STK32B: variants seen among roughly 807,000 people sequenced by gnomAD.
STK32B encodes serine/threonine kinase 32B.
A neutral mutation model predicts 52.6 loss-of-function variants in STK32B; 43 were observed. The ratio of observed to expected loss-of-function variants is 0.82; its 90% CI spans 0.64 to 1.05. The LOEUF (loss-of-function observed/expected upper bound fraction) is 1.05. STK32B is among the 50% of genes least tolerant of loss of function. The probability of loss-of-function intolerance (pLI) is 0.00; values close to 1 mark genes in which losing one functional copy is unlikely to be tolerated. For missense variants in STK32B, 621 were observed against 534.6 expected (o/e 1.16, Z -1.59); for synonymous variants, 238 against 204.3 (o/e 1.17, Z -1.41).
At chr4:5,140,850 A>AG (rs1300182728) in intron 2 of STK32B, among the ~76,000 whole-genome samples, 2 of 152,198 alleles carry the variant, frequency 1.3e-5, no homozygotes, top group Non-Finnish European at 2.9e-5. Flanking sequence ...GACTCTGTTG[A>AG]TCAGTAGTAA....
At position 5,396,512 on chromosome 4, in the gene STK32B, C is replaced by T. The variant is rs537360133; in HGVS notation, c.435-1695C>T. ...TGAATTTTGAAGGGACACCATTCAA[C>T]CCAGTACGCCAGATCACATCTTCTT... is the stretch of plus-strand genomic sequence containing the variant. On this transcript the variant is annotated intron_variant, in intron 4 of 11. Transcript: ENST00000282908. This position sits in a 1 kb window ranked among gnomAD's most constrained non-coding sequence, Gnocchi z 4.7. Among the ~76,000 whole-genome samples the T allele has an allele frequency of 6.6e-6, 1 of 152,310 alleles. No homozygotes were observed. The highest frequency in any genetic ancestry group is 2.1e-4 in the South Asian group (1 of 4,820).
intron 3 of STK32B, among the ~76,000 whole-genome samples, chr4:5,200,688 T>C (rs948385798): frequency 1.3e-5 from 2 of 152,132 alleles, no homozygotes; most frequent in African/African-American, 4.8e-5. Flanking sequence ...TTAAATCTAG[T>C]TGCAGGGATC....
intron 3 of STK32B, among the ~76,000 whole-genome samples, chr4:5,300,298 G>T (rs1390711038): frequency 1.3e-5 from 2 of 152,090 alleles, no homozygotes; most frequent in Non-Finnish European, 2.9e-5. Flanking sequence ...AATAGGAGCA[G>T]TCTATGACAA....
chr4:5,474,430 C>A (rs1303032253), intron 11 of STK32B, among the ~76,000 whole-genome samples: 1 of 152,332 alleles, frequency 6.6e-6, no homozygotes, highest in African/African-American at 2.4e-5. Flanking sequence ...TTGACTTTAC[C>A]AAGGTCTGTG....
chr4:5,131,080 G>T (rs1715745352), intron 1 of STK32B, among the ~76,000 whole-genome samples: 1 of 152,134 alleles, frequency 6.6e-6, no homozygotes, highest in Non-Finnish European at 1.5e-5. Flanking sequence ...CTAGGCAGAG[G>T]ATCCTTGGGA....
intron 3 of STK32B, among the ~76,000 whole-genome samples, chr4:5,241,398 T>TA (rs970850206): frequency 6.6e-6 from 1 of 152,092 alleles, no homozygotes; most frequent in African/African-American, 2.4e-5. Flanking sequence ...CATCTGTCCC[T>TA]AAAAAAGGTA....
intron 4 of STK32B, among the ~76,000 whole-genome samples, chr4:5,359,278 T>C (rs1348903300): frequency 6.6e-6 from 1 of 152,138 alleles, no homozygotes; most frequent in African/African-American, 2.4e-5. Context: ...TGACAGCTTG[T>C]GCAGTCTTGG....
intron 4 of STK32B, among the ~76,000 whole-genome samples, chr4:5,345,956 C>G (rs545433505): frequency 1.3e-5 from 2 of 152,304 alleles, no homozygotes; most frequent in African/African-American, 4.8e-5. Flanking sequence ...GGACAGTGGC[C>G]CTTTCCCATT....
intron 3 of STK32B, among the ~76,000 whole-genome samples, chr4:5,258,205 A>G (rs1195186752): frequency 6.6e-6 from 1 of 152,160 alleles, no homozygotes; most frequent in East Asian, 1.9e-4. Context: ...AAAAAATTAT[A>G]GTGATATTGA....
Position 5,371,002 on chromosome 4 carries a change from A to ATATATATATATACGTATATATATG in STK32B, c.435-27196_435-27195insATACGTATATATATGTATATATAT, listed in dbSNP as rs1204029655. Among the ~76,000 whole-genome samples the ATATATATATATACGTATATATATG allele has an allele frequency of 3.1e-3, 363 of 118,418 alleles. 1 individual carries two copies. Among genetic ancestry groups the ATATATATATATACGTATATATATG allele is most frequent in the South Asian group, 4.8e-3 (19 of 3,980 alleles). The allele number at this position is 118,418 out of a possible 152,430, so 77.7% of individuals were successfully genotyped here. A position where few individuals can be genotyped will look rare whatever the true frequency, so the allele number is the denominator to read the frequency against. On this transcript the variant is annotated intron_variant, in intron 4 of 11. Transcript: ENST00000282908. ...TATATATATGTGTGTGTGTGTATAT[A>ATATATATATATACGTATATATATG]TATATATATGTATATATATGTGTAT...
chr4:5,419,006 G>A (rs981913076), intron 6 of STK32B, among the ~76,000 whole-genome samples: 6 of 152,064 alleles, frequency 3.9e-5, no homozygotes, highest in East Asian at 1.9e-4. Flanking sequence ...TTTGGGGATC[G>A]GCTATAACTT....
chr4:5,398,143 T>G lies in STK32B; in HGVS notation c.435-64T>G. The G allele has an allele frequency of 2.0e-5, 32 of 1,592,194 alleles. No individual in the cohort carries two copies. The highest frequency in any genetic ancestry group is 2.7e-5 in the Non-Finnish European group (32 of 1,164,716). On this transcript the variant is annotated intron_variant, in intron 4 of 11. Transcript: ENST00000282908. The surrounding 1 kb of genome is among the most constrained non-coding windows in gnomAD (Gnocchi z 4.9). ...TCCAGCATTTGTCCTGATGTGGTGC[T>G]TGTCTATGTGCTCATCTGTGGGCTC...
At chr4:5,188,511 T>G (rs1720923108) in intron 3 of STK32B, among the ~76,000 whole-genome samples, 1 of 152,086 alleles carries the variant, frequency 6.6e-6, no homozygotes, top group Non-Finnish European at 1.5e-5. Context: ...CCTGGGTGAT[T>G]TTCTCTGGAA....
intron 1 of STK32B, chr4:5,127,094 C>T (rs751309017): frequency 5.9e-6 from 3 of 511,798 alleles, no homozygotes; most frequent in African/African-American, 1.9e-5. Context: ...ATTCATGAGC[C>T]GTGAAGGGAA....
the STK32B span, among the ~76,000 whole-genome samples, chr4:5,025,893 G>C: frequency 6.6e-6 from 1 of 152,216 alleles, no homozygotes; most frequent in African/African-American, 2.4e-5. Context: ...GGGTAAGTGA[G>C]GTGGGGCGGA....
At chr4:5,496,296 A>C (rs7695604) in intron 11 of STK32B, among the ~76,000 whole-genome samples, 5,389 of 152,116 alleles carry the variant, frequency 0.035, 286 homozygotes, top group African/African-American at 0.12. Flanking sequence ...GCGCCCCTCC[A>C]CCAGCCTCGC....
the STK32B span, among the ~76,000 whole-genome samples, chr4:5,034,061 G>C: frequency 1.3e-5 from 2 of 152,268 alleles, no homozygotes; most frequent in African/African-American, 4.8e-5. Flanking sequence ...GAAGGAAAGG[G>C]AAAAAAGCAG....
intron 3 of STK32B, among the ~76,000 whole-genome samples, chr4:5,311,447 A>G (rs901669231): frequency 3.3e-5 from 5 of 152,204 alleles, no homozygotes; most frequent in African/African-American, 4.8e-5. Context: ...AGTAGAAATC[A>G]ATGAAATTGA....
intron 3 of STK32B, among the ~76,000 whole-genome samples, chr4:5,188,925 A>G (rs1162356193): frequency 1.3e-5 from 2 of 152,034 alleles, no homozygotes; most frequent in East Asian, 1.9e-4. Flanking sequence ...TGATTAGCCA[A>G]TGAGTGCAGC....
Sources: gnomAD v4.1 joint callset for allele counts (sites outside exome capture counted in the v4.1 genomes callset) on GRCh38, gnomAD v4.1.1 for gene constraint, Gnocchi (gnomAD v3.1) non-coding constraint, MANE v1.5 for transcripts, NCBI Gene and HGNC (gene_info 2026-07-23, HGNC 2026-07-21) for gene names.